GRID2: variants seen among roughly 807,000 people sequenced by gnomAD.
The protein encoded by GRID2 is glutamate ionotropic receptor delta type subunit 2.
A neutral mutation model predicts 114.8 loss-of-function variants in GRID2; 33 were observed. That is an observed-to-expected ratio of 0.29 (90% CI 0.22 to 0.38). The LOEUF (loss-of-function observed/expected upper bound fraction) is 0.38. Among genes scored for constraint, GRID2 ranks in the 10% least tolerant of loss-of-function variants. The pLI is 1.00. For missense variants in GRID2, 1,184 were observed against 1,257.7 expected (o/e 0.94, Z 0.89); for synonymous variants, 505 against 449.9 (o/e 1.12, Z -1.55).
rs1730758462 is a variant in GRID2 at position 92,630,626 on chromosome 4, A to C, written c.244+40340A>C. ...CCTTTTTCTTGGTTTTAGCTCGCTA[A>C]ATCCTAAACATCTTTAGAGCATGGC... On this transcript the variant is annotated intron_variant, in intron 2 of 15. Coordinates refer to ENST00000282020, the MANE Select transcript of GRID2 (RefSeq NM_001510.4). 2.6e-5 allele frequency among the ~76,000 whole-genome samples: 4 copies of C among 152,142 alleles called. No individual in the cohort carries two copies. The South Asian group carries it at 8.3e-4, about 32-fold the overall frequency.
At chr4:93,382,815 G>C (rs1457606935) in intron 8 of GRID2, among the ~76,000 whole-genome samples, 1 of 150,666 alleles carries the variant, frequency 6.6e-6, no homozygotes, top group African/African-American at 2.4e-5. Flanking sequence ...TTTTTTTGTT[G>C]AAAATTAGAC....
chr4:92,536,120 C>T (rs973578382), intron 1 of GRID2, among the ~76,000 whole-genome samples: 2 of 152,220 alleles, frequency 1.3e-5, no homozygotes, highest in African/African-American at 2.4e-5. Context: ...CCACTGCTTG[C>T]GCCGGTGGCC....
intron 1 of GRID2, among the ~76,000 whole-genome samples, chr4:92,307,986 A>G (rs1283662488): frequency 6.6e-6 from 1 of 152,142 alleles, no homozygotes; most frequent in East Asian, 1.9e-4. Flanking sequence ...AAGAACCAAA[A>G]AGTCGTGAGT....
At chr4:93,742,414 A>C (rs1194761403) in intron 14 of GRID2, among the ~76,000 whole-genome samples, 3 of 152,208 alleles carry the variant, frequency 2.0e-5, no homozygotes, top group African/African-American at 7.2e-5. Flanking sequence ...CTAACATAGA[A>C]TATAGCACCA....
chr4:92,340,653 A>G (rs1727434298), intron 1 of GRID2, among the ~76,000 whole-genome samples: 1 of 152,206 alleles, frequency 6.6e-6, no homozygotes, highest in Admixed American at 6.5e-5. Context: ...ACCTTCTCCA[A>G]ACAGAAGGAT....
At chr4:93,395,586 C>G (rs776990856) in intron 8 of GRID2, 21 bp from the exon 9 acceptor site, 2 of 1,163,908 alleles carry the variant, frequency 1.7e-6, no homozygotes, top group Admixed American at 3.4e-5. Context: ...GAAAAATGAC[C>G]AAAGTTGTCT....
At chr4:92,820,246 A>T (rs980932410) in intron 2 of GRID2, among the ~76,000 whole-genome samples, 17 of 152,122 alleles carry the variant, frequency 1.1e-4, no homozygotes, top group Admixed American at 1.3e-4. Flanking sequence ...TATGACACAC[A>T]TACTTATTTG....
chr4:93,255,693 A>G (rs982375876), intron 8 of GRID2, among the ~76,000 whole-genome samples: 1 of 152,062 alleles, frequency 6.6e-6, no homozygotes, highest in Non-Finnish European at 1.5e-5. Context: ...GTCTCTTTGG[A>G]CATGTCTACT....
chr4:92,579,680 A>C (rs12513051), intron 1 of GRID2, among the ~76,000 whole-genome samples: 40,609 of 151,750 alleles, frequency 0.27, 5,593 homozygotes, highest in Middle Eastern at 0.37. Flanking sequence ...ATGAGGATTA[A>C]GAGAGATAAC....
chr4:93,053,118 C>G (rs1726881728), intron 2 of GRID2, among the ~76,000 whole-genome samples: 1 of 151,894 alleles, frequency 6.6e-6, no homozygotes, highest in Non-Finnish European at 1.5e-5. Context: ...GAAGCAAGTT[C>G]TACAGCAATA....
intron 2 of GRID2, among the ~76,000 whole-genome samples, chr4:92,676,489 T>C (rs974272079): frequency 6.6e-6 from 1 of 152,126 alleles, no homozygotes; most frequent in African/African-American, 2.4e-5. Context: ...TGAGCCTCTT[T>C]TAACCTGTAA....
chr4:93,065,810 G>C (rs1410223681), intron 2 of GRID2, among the ~76,000 whole-genome samples: 3 of 151,834 alleles, frequency 2.0e-5, no homozygotes, highest in Non-Finnish European at 2.9e-5. Flanking sequence ...TTAAGCTCCT[G>C]TTTAGCTGTA....
At chr4:93,154,918 T>C (rs1197556203) in intron 4 of GRID2, among the ~76,000 whole-genome samples, 1 of 151,992 alleles carries the variant, frequency 6.6e-6, no homozygotes, top group African/African-American at 2.4e-5. Context: ...TCACCTGATA[T>C]CTATTTTTAG....
intron 1 of GRID2, among the ~76,000 whole-genome samples, chr4:92,384,205 G>A (rs890529512): frequency 2.7e-5 from 4 of 150,214 alleles, no homozygotes; most frequent in African/African-American, 9.8e-5. Flanking sequence ...AACTCTACTA[G>A]GACTTTTGGT....
intron 1 of GRID2, among the ~76,000 whole-genome samples, chr4:92,456,840 C>G (rs1379764301): frequency 6.6e-6 from 1 of 152,118 alleles, no homozygotes; most frequent in Non-Finnish European, 1.5e-5. Flanking sequence ...TACTAGTCAT[C>G]CTGCTTCCTG....
intron 13 of GRID2, among the ~76,000 whole-genome samples, chr4:93,524,913 A>G (rs1307726310): frequency 6.7e-6 from 1 of 149,888 alleles, no homozygotes; most frequent in South Asian, 2.1e-4. Flanking sequence ...TCTTATGTAC[A>G]TAAAGATGAT....
intron 13 of GRID2, among the ~76,000 whole-genome samples, chr4:93,537,324 G>A (rs1165377505): frequency 6.6e-6 from 1 of 151,538 alleles, no homozygotes; most frequent in East Asian, 1.9e-4. Context: ...CTTGAATTAA[G>A]CAGGTTTTTG....
intron 1 of GRID2, among the ~76,000 whole-genome samples, chr4:92,460,841 CAGT>C (rs1444152641): frequency 6.6e-5 from 10 of 151,816 alleles, no homozygotes; most frequent in African/African-American, 2.2e-4. Flanking sequence ...TATTTAAAAA[CAGT>C]AGAGAATAAT....
chr4:93,786,384 G>A (rs1013642312), intron 1 of GRID2, among the ~76,000 whole-genome samples: 5 of 152,194 alleles, frequency 3.3e-5, no homozygotes, highest in Admixed American at 6.5e-5. Context: ...TGTTTCCAAC[G>A]TAGGAGACAC....
Sources: allele counts gnomAD v4.1 joint callset (sites outside exome capture counted in the v4.1 genomes callset), GRCh38; gene constraint gnomAD v4.1.1; transcripts MANE v1.5; gene names NCBI Gene and HGNC (gene_info 2026-07-23, HGNC 2026-07-21).